The following GLDC variants were observed in gnomAD, a reference collection of about 807,000 sequenced individuals.
GLDC encodes the protein glycine dehydrogenase (decarboxylating), mitochondrial.
Under a neutral mutation model 121.3 loss-of-function variants are expected in GLDC, and 104 were observed. The ratio of observed to expected loss-of-function variants is 0.86; its 90% CI spans 0.73 to 1.01. GLDC has a LOEUF of 1.01. Ranked by LOEUF, GLDC falls within the 50% of genes least tolerant of loss-of-function variation. GLDC has a pLI of 0.00. For missense variants in GLDC, 1,429 were observed against 1,306.6 expected, an observed-to-expected ratio of 1.09 and a Z score of -1.44; for synonymous variants, 546 against 480.6, an observed-to-expected ratio of 1.14 and a Z score of -1.78.
intron 15 of GLDC, among the ~76,000 whole-genome samples, chr9:6,581,025 C>G (rs1254493069): frequency 2.6e-5 from 4 of 152,334 alleles, no homozygotes; most frequent in African/African-American, 7.2e-5. Flanking sequence ...TCAAGCATCT[C>G]TGCCTCTCCA....
chr9:6,592,745 G>A (rs893756051), intron 10 of GLDC, 106 bp downstream of exon 10: 3 of 1,055,344 alleles, frequency 2.8e-6, no homozygotes, highest in Admixed American at 2.0e-5. Flanking sequence ...ATAGGACTGT[G>A]CCTAAAGTTT....
At chr9:6,606,268 C>G in intron 5 of GLDC, 1 of 333,520 alleles carries the variant, frequency 3.0e-6, no homozygotes, top group Non-Finnish European at 5.5e-6. Context: ...TAGGTTCCCT[C>G]AACTGCACTC....
chr9:6,636,459 C>T (rs1209285169), intron 2 of GLDC, among the ~76,000 whole-genome samples: 1 of 152,148 alleles, frequency 6.6e-6, no homozygotes, highest in Non-Finnish European at 1.5e-5. Context: ...CTCAGTTTTG[C>T]CATGAACCTA....
intron 16 of GLDC, among the ~76,000 whole-genome samples, chr9:6,564,650 A>C (rs1373286387): frequency 6.6e-6 from 1 of 152,206 alleles, no homozygotes; most frequent in South Asian, 2.1e-4. Context: ...CTGGCCATCA[A>C]AATGAAGGAA....
At chr9:6,635,240 T>G (rs1158710276) in intron 2 of GLDC, among the ~76,000 whole-genome samples, 1 of 152,218 alleles carries the variant, frequency 6.6e-6, no homozygotes, top group African/African-American at 2.4e-5. Context: ...TGAAGCAGTA[T>G]CTTATCTTCT....
Position 6,536,071 on chromosome 9 carries a change from G to T in GLDC, c.2831C>A (p.Pro944Gln). Residue 944 changes from proline to glutamine, a missense_variant, in exon 23 of 25, where the codon CCG becomes CAG. By Grantham distance (76) the Pro-to-Gln change is moderately conservative (BLOSUM62 -1). Coordinates refer to ENST00000321612, the MANE Select transcript of GLDC (RefSeq NM_000170.3). ...EEGRIDPRVN[P>Q]LKMSPHSLTC... is the part of the protein sequence containing the mutation. ...GTTCCAGGGCCTACGCACCTTCAGC[G>T]GATTGACCCTGGGGTCGATGCGGCC... 2 of 1,613,080 alleles carry T rather than the reference G, an allele frequency of 1.2e-6. No individual in the cohort carries two copies. Among genetic ancestry groups the T allele is most frequent in the East Asian group, 2.2e-5 (1 of 44,882 alleles).
At chr9:6,613,695 A>G (rs1031401893) in intron 3 of GLDC, among the ~76,000 whole-genome samples, 1 of 152,238 alleles carries the variant, frequency 6.6e-6, no homozygotes, top group Non-Finnish European at 1.5e-5. Context: ...TAGAAATAGC[A>G]TAATAGTTAA....
intron 8 of GLDC, among the ~76,000 whole-genome samples, chr9:6,599,400 A>G (rs948858998): frequency 1.3e-5 from 2 of 151,956 alleles, no homozygotes; most frequent in Non-Finnish European, 2.9e-5. Flanking sequence ...AATGGAGGGT[A>G]AGCTACAGAA....
At position 6,586,916 on chromosome 9, in the gene GLDC, T is replaced by C. The variant is rs997383768; in HGVS notation, c.1850+225A>G. ...GAAAGCCCCATATGGAGAAAAACTA[T>C]GGCCCTAGTGAACATCCTCAAATGC... On this transcript the variant is annotated intron_variant, in intron 15 of 24. Transcript: ENST00000321612. Among the ~76,000 whole-genome samples the C allele has an allele frequency of 3.9e-5, 6 of 152,264 alleles. 1 individual carries two copies. The highest frequency in any genetic ancestry group is 6.8e-3 in the Middle Eastern group (2 of 294).
At position 6,544,825 on chromosome 9, in the gene GLDC, G is replaced by T. The variant is rs144253914; in HGVS notation, c.2570-4679C>A. Among the ~76,000 whole-genome samples the T allele has an allele frequency of 7.2e-5, 11 of 152,154 alleles. 1 individual carries two copies. In the East Asian group the frequency reaches 2.1e-3, roughly 29 times the overall value. ...CCTTTAAAATGTATCAACTTGCCGG[G>T]GCAATGGCTCACACCTGTAATCCCA... On this transcript the variant is annotated intron_variant, in intron 21 of 24. Transcript: ENST00000321612.
At chr9:6,547,911 C>G (rs928118024) in intron 21 of GLDC, among the ~76,000 whole-genome samples, 5 of 152,150 alleles carry the variant, frequency 3.3e-5, no homozygotes, top group African/African-American at 4.8e-5. Flanking sequence ...GGGAGGATCA[C>G]TAGAGCAGAG....
chr9:6,545,940 G>A (rs542636109), intron 21 of GLDC, among the ~76,000 whole-genome samples: 5 of 151,916 alleles, frequency 3.3e-5, no homozygotes, highest in South Asian at 2.1e-4. Flanking sequence ...CATGCCCAGC[G>A]TACTGTAACT....
intron 21 of GLDC, among the ~76,000 whole-genome samples, chr9:6,546,616 A>T (rs1474779795): frequency 2.0e-5 from 3 of 151,998 alleles, no homozygotes; most frequent in African/African-American, 7.3e-5. Flanking sequence ...ACCGCCCTGA[A>T]GCTGTTTTAC....
intron 15 of GLDC, among the ~76,000 whole-genome samples, chr9:6,581,155 G>A (rs1229681992): frequency 6.6e-6 from 1 of 152,186 alleles, no homozygotes; most frequent in Non-Finnish European, 1.5e-5. Flanking sequence ...AAGAACAAGT[G>A]TTGCTAACTC....
Position 6,600,194 on chromosome 9 carries a change from C to A in GLDC, c.1155+1915G>T, listed in dbSNP as rs777321890. Among the ~76,000 whole-genome samples, 72 of 152,174 alleles carry A rather than the reference C, an allele frequency of 4.7e-4. No individual in the cohort carries two copies. The Middle Eastern group carries it at 0.014, about 29-fold the overall frequency. ...ACCTGAGCAACAAAGTGAGACCTCG[C>A]CTCTACAAAACATTTTTTTGAAAAT... On this transcript the variant is annotated intron_variant, in intron 8 of 24. Transcript: ENST00000321612.
chr9:6,532,590 G>A lies in GLDC; in HGVS notation c.*427C>T, dbSNP rs1192970797. ...CAGATTAGGCATATTAGAGGAAAAAGAGTTCTTCAGGGTATACAAAATGTA... is the reference window on the plus strand; with the variant it reads ...CAGATTAGGCATATTAGAGGAAAAAAAGTTCTTCAGGGTATACAAAATGTA... On this transcript the variant is annotated 3_prime_UTR_variant, in exon 25 of 25. Coordinates refer to ENST00000321612, the MANE Select transcript of GLDC (RefSeq NM_000170.3). 1.1e-5 allele frequency: 2 copies of A among 174,450 alleles called. No homozygotes were observed. The highest frequency in any genetic ancestry group is 2.5e-5 in the Non-Finnish European group (2 of 80,562). The allele number at this position is 174,450 out of a possible 1,614,324, so 10.8% of individuals were successfully genotyped here. A position where few individuals can be genotyped will look rare whatever the true frequency, so the allele number is the denominator to read the frequency against.
intron 12 of GLDC, 74 bp downstream of exon 12, chr9:6,589,118 TCAG>T: frequency 1.1e-6 from 1 of 908,500 alleles, no homozygotes; most frequent in Non-Finnish European, 1.9e-6. Flanking sequence ...GCAGGCGAAA[TCAG>T]CAGCAGCACT....
In GLDC at chr9:6,533,365, C is replaced by T. The variant is rs922792924; in HGVS notation, c.2920-205G>A. Among the ~76,000 whole-genome samples the T allele has an allele frequency of 2.6e-5, 4 of 152,148 alleles. No individual in the cohort carries two copies. The South Asian group carries it at 8.3e-4, about 32-fold the overall frequency. On this transcript the variant is annotated intron_variant, in intron 24 of 24. Transcript: ENST00000321612. ...GTCCCTGATCACCACCCCTGTTAAGCATCCCTATGTGCTGTTGATATCTGG... is the reference window on the plus strand; with the variant it reads ...GTCCCTGATCACCACCCCTGTTAAGTATCCCTATGTGCTGTTGATATCTGG...
chr9:6,624,626 A>T (rs1313058094), intron 2 of GLDC, among the ~76,000 whole-genome samples: 1 of 152,172 alleles, frequency 6.6e-6, no homozygotes, highest in Non-Finnish European at 1.5e-5. Flanking sequence ...GAAACTAATT[A>T]AAAAAACTGT....
Sources: allele counts gnomAD v4.1 joint callset (sites outside exome capture counted in the v4.1 genomes callset), GRCh38; gene constraint gnomAD v4.1.1; transcripts MANE v1.5; gene names NCBI Gene and HGNC (gene_info 2026-07-23, HGNC 2026-07-21).